The following PRKN variants were observed in gnomAD, a reference collection of about 807,000 sequenced individuals.
The protein encoded by PRKN is parkin RBR E3 ubiquitin protein ligase, also known as E3 ubiquitin-protein ligase parkin.
A neutral mutation model predicts 59.5 loss-of-function variants in PRKN; 56 were observed. The ratio of observed to expected loss-of-function variants is 0.94; its 90% CI spans 0.76 to 1.18. The LOEUF (loss-of-function observed/expected upper bound fraction) is 1.18. PRKN is among the 50% of genes most tolerant of loss of function. The pLI is 0.00. For synonymous variants in PRKN, 250 were observed against 222.1 expected (o/e 1.13, Z -1.12); for missense variants, 657 against 596.4 (o/e 1.10, Z -1.06).
At chr6:162,191,760 A>G (rs1784285586) in intron 4 of PRKN, among the ~76,000 whole-genome samples, 2 of 152,148 alleles carry the variant, frequency 1.3e-5, no homozygotes, top group African/African-American at 2.4e-5. Flanking sequence ...TCTGTTTTAT[A>G]TAGAAGAGAC....
chr6:162,611,154 T>A (rs1782129844), intron 1 of PRKN, among the ~76,000 whole-genome samples: 1 of 152,206 alleles, frequency 6.6e-6, no homozygotes, highest in Non-Finnish European at 1.5e-5. Flanking sequence ...TATTAAAGAC[T>A]GCTAGTACCA....
intron 7 of PRKN, among the ~76,000 whole-genome samples, chr6:161,587,137 T>C (rs914466255): frequency 2.5e-4 from 38 of 152,190 alleles, no homozygotes; most frequent in African/African-American, 8.4e-4. Context: ...CACCACAAAA[T>C]TGGTTACCAC....
At chr6:161,542,547 A>G (rs1335107125) in intron 9 of PRKN, among the ~76,000 whole-genome samples, 2 of 152,242 alleles carry the variant, frequency 1.3e-5, no homozygotes, top group African/African-American at 4.8e-5. Context: ...AAGTCTAGCG[A>G]GGCTTATTTC....
intron 2 of PRKN, among the ~76,000 whole-genome samples, chr6:162,441,922 G>A (rs1377729883): frequency 6.6e-6 from 1 of 151,742 alleles, no homozygotes; most frequent in Non-Finnish European, 1.5e-5. Flanking sequence ...TCAAGGAGCT[G>A]TTTTAAAATT....
chr6:162,556,372 T>TGCGTGC (rs1443569566), intron 1 of PRKN, among the ~76,000 whole-genome samples: 4 of 99,288 alleles, frequency 4.0e-5, no homozygotes, highest in African/African-American at 1.1e-4. Context: ...TGTGTGTGTG[T>TGCGTGC]GTGTGTGTGT....
At chr6:162,035,960 G>T (rs957005515) in intron 5 of PRKN, among the ~76,000 whole-genome samples, 1 of 152,160 alleles carries the variant, frequency 6.6e-6, no homozygotes, top group Non-Finnish European at 1.5e-5. Context: ...AACTAGAAAA[G>T]ATTTTCATTA....
At chr6:162,386,542 A>G (rs1477447724) in intron 2 of PRKN, among the ~76,000 whole-genome samples, 1 of 152,172 alleles carries the variant, frequency 6.6e-6, no homozygotes. Context: ...TGGGTCTGGT[A>G]AGGCTGAGCT....
intron 6 of PRKN, among the ~76,000 whole-genome samples, chr6:161,814,457 A>G (rs935026073): frequency 6.6e-6 from 1 of 152,202 alleles, no homozygotes; most frequent in Non-Finnish European, 1.5e-5. Flanking sequence ...GAGCAAAAGC[A>G]TGTCTTACAT....
intron 7 of PRKN, among the ~76,000 whole-genome samples, chr6:161,733,054 A>G (rs1306709605): frequency 2.0e-5 from 3 of 152,188 alleles, no homozygotes; most frequent in Non-Finnish European, 4.4e-5. Flanking sequence ...CAAAAAGAAA[A>G]ACGGATTTTT....
At chr6:162,565,410 CGGT>C (rs1780021348) in intron 1 of PRKN, among the ~76,000 whole-genome samples, 1 of 152,014 alleles carries the variant, frequency 6.6e-6, no homozygotes, top group Admixed American at 6.6e-5. Context: ...TGGCCGGGAG[CGGT>C]GGCTCAATGT....
In PRKN at chr6:162,612,066, G is replaced by A. The variant is rs532637989; in HGVS notation, c.7+115596C>T. 2.5e-4 allele frequency among the ~76,000 whole-genome samples: 38 copies of A among 151,070 alleles called. No individual in the cohort carries two copies. The South Asian group carries it at 5.8e-3, about 23-fold the overall frequency. Reference sequence around the variant, plus strand: ...AAATTAGCTGGGCGTGGTGGCGGGCGCCTGTAGTCCCAGCTACTCGGGAGG... The same window carrying A: ...AAATTAGCTGGGCGTGGTGGCGGGCACCTGTAGTCCCAGCTACTCGGGAGG... On this transcript the variant is annotated intron_variant, in intron 1 of 11. Coordinates refer to ENST00000366898, the MANE Select transcript of PRKN (RefSeq NM_004562.3).
At chr6:161,991,936 T>G (rs1562442862) in intron 5 of PRKN, among the ~76,000 whole-genome samples, 1 of 151,916 alleles carries the variant, frequency 6.6e-6, no homozygotes, top group Admixed American at 6.6e-5. Flanking sequence ...CACATAAAGA[T>G]GACAGTGAAA....
At chr6:161,908,162 TG>T (rs1778219764) in intron 6 of PRKN, among the ~76,000 whole-genome samples, 1 of 152,146 alleles carries the variant, frequency 6.6e-6, no homozygotes, top group Non-Finnish European at 1.5e-5. Context: ...ACTTGACATT[TG>T]TGAAATAAAT....
intron 9 of PRKN, among the ~76,000 whole-genome samples, chr6:161,515,135 T>C (rs1778540213): frequency 6.6e-6 from 1 of 152,232 alleles, no homozygotes; most frequent in Admixed American, 6.5e-5. Flanking sequence ...TTCACACTAC[T>C]GACATGTCCT....
chr6:161,354,318 G>A lies in PRKN; in HGVS notation c.1286-4107C>T, dbSNP rs886388785. ...CAGATTTGTGGATATAGACATGAAG[G>A]GAATATGGCTTCCTTTGTAGTGAGT... On this transcript the variant is annotated intron_variant, in intron 11 of 11. Transcript: ENST00000366898. The surrounding 1 kb of genome is among the most constrained non-coding windows in gnomAD (Gnocchi z 6.7). Among the ~76,000 whole-genome samples the A allele has an allele frequency of 3.3e-5, 5 of 152,162 alleles. No homozygotes were observed. Among genetic ancestry groups the A allele is most frequent in the African/African-American group, 1.2e-4 (5 of 41,444 alleles).
intron 1 of PRKN, among the ~76,000 whole-genome samples, chr6:162,637,080 C>A (rs1035455028): frequency 6.6e-6 from 1 of 151,992 alleles, no homozygotes; most frequent in Admixed American, 6.5e-5. Context: ...CATAGTGAAA[C>A]CCCATCTCTA....
At chr6:161,861,083 T>C (rs2128224571) in intron 6 of PRKN, among the ~76,000 whole-genome samples, 1 of 152,338 alleles carries the variant, frequency 6.6e-6, no homozygotes, top group South Asian at 2.1e-4. Context: ...TTACTGGGTA[T>C]ATGCCCAAAG....
At chr6:161,761,311 G>T (rs931361899) in intron 7 of PRKN, among the ~76,000 whole-genome samples, 1 of 152,128 alleles carries the variant, frequency 6.6e-6, no homozygotes. Flanking sequence ...GCCGAGCTAC[G>T]GTGTGCAGTG....
chr6:162,706,551 C>T (rs1778346809), intron 1 of PRKN, among the ~76,000 whole-genome samples: 1 of 152,172 alleles, frequency 6.6e-6, no homozygotes, highest in African/African-American at 2.4e-5. Flanking sequence ...GGCTGGGCGG[C>T]CATGTCGTCC....
Sources: allele counts gnomAD v4.1 joint callset (sites outside exome capture counted in the v4.1 genomes callset), GRCh38; gene constraint gnomAD v4.1.1; non-coding constraint Gnocchi (gnomAD v3.1); transcripts MANE v1.5; gene names NCBI Gene and HGNC (gene_info 2026-07-23, HGNC 2026-07-21).